MED16: variants seen among roughly 807,000 people sequenced by gnomAD.
MED16 encodes mediator of RNA polymerase II transcription subunit 16.
In MED16, 81 loss-of-function variants were observed where a neutral mutation model predicts 84.4. The observed-to-expected ratio is 0.96, with a 90% CI of 0.80 to 1.15. MED16 has a LOEUF of 1.15. MED16 is among the 50% of genes most tolerant of loss of function. The pLI, the probability that MED16 is intolerant of heterozygous loss-of-function variation, is 0.00. For missense variants in MED16, 1,585 were observed against 1,245.9 expected (o/e 1.27, Z -4.10); for synonymous variants, 897 against 552.2 (o/e 1.62, Z -8.76).
At chr19:890,730 G>A (rs1371835962) in intron 2 of MED16, among the ~76,000 whole-genome samples, 2 of 152,178 alleles carry the variant, frequency 1.3e-5, no homozygotes, top group African/African-American at 2.4e-5. Context: ...AGCCCGATTC[G>A]ATCCCGCACA....
Position 871,176 on chromosome 19 carries a change from T to TAAGCAGC in MED16, c.2169_2175dup (p.Ile726AlafsTer17). The stretch of plus-strand genomic sequence containing the variant: ...GCTGGCAGCCAGTCCAGGCTGGGGA[T>TAAGCAGC]AAGCAGCTGGCTGGGCAGCAGGCAG... On this transcript the variant is annotated frameshift_variant, in exon 13 of 16. Transcript: ENST00000325464. LOFTEE classifies it high-confidence loss of function. 2 of 1,549,474 alleles carry TAAGCAGC rather than the reference T, an allele frequency of 1.3e-6. No individual in the cohort carries two copies. The highest frequency in any genetic ancestry group is 2.7e-5 in the African/African-American group (2 of 73,284).
At chr19:879,299 T>C (rs1165494805) in intron 8 of MED16, among the ~76,000 whole-genome samples, 2 of 127,240 alleles carry the variant, frequency 1.6e-5, no homozygotes, top group Admixed American at 8.7e-5. Context: ...CTTCCCATGG[T>C]TGTCAATGCC....
intron 13 of MED16, among the ~76,000 whole-genome samples, chr19:870,203 C>T (rs1460365049): frequency 7.2e-5 from 11 of 152,136 alleles, no homozygotes; most frequent in Non-Finnish European, 1.5e-4. Context: ...CCAGGGGGGC[C>T]AGAGACTAAG....
At position 885,967 on chromosome 19, in the gene MED16, C is replaced by A; in HGVS notation, c.682G>T (p.Val228Leu). 1 of 1,612,118 alleles carries A rather than the reference C, an allele frequency of 6.2e-7. No individual in the cohort carries two copies. Among genetic ancestry groups the A allele is most frequent in the South Asian group, 1.1e-5 (1 of 91,054 alleles). Residue 228 changes from valine (V) to leucine (L), a missense_variant, in exon 5 of 16, where the codon GTG becomes TTG. By Grantham distance (32) the Val-to-Leu change is conservative. Transcript: ENST00000325464. ...GCGCTGCTGCCGTCCGCCGTGGCCACCACGATGTTGCCGCCGCCGGTGAAG... is the reference window on the plus strand; with the variant it reads ...GCGCTGCTGCCGTCCGCCGTGGCCAACACGATGTTGCCGCCGCCGGTGAAG... ...IAFTGGGNIV[V>L]ATADGSSASP...
chr19:890,857 G>A, intron 2 of MED16, 106 bp downstream of exon 2: 3 of 1,237,290 alleles, frequency 2.4e-6, no homozygotes, highest in Non-Finnish European at 3.3e-6. Context: ...GTGAGTGAGA[G>A]GTGGCCTGAG....
Position 891,112 on chromosome 19 carries a change from G to A in MED16, c.20C>T (p.Pro7Leu), listed in dbSNP as rs200573504. Reference sequence around the variant, plus strand: ...CAAGTCCATCATCCCACCTGCCGCTGGCCGCCGCAAATCACACATGAGGGC... The same window carrying A: ...CAAGTCCATCATCCCACCTGCCGCTAGCCGCCGCAAATCACACATGAGGGC... Reference protein sequence around the residue: MCDLRRPAAGGMMDLAY... With the variant: MCDLRRLAAGGMMDLAY... The change falls in exon 2 of 16, where the codon CCA (proline) becomes CTA (leucine). Residue 7 changes from proline (P) to leucine (L), a missense_variant. Pro to Leu is a moderately conservative substitution (Grantham distance 98, BLOSUM62 -3). Coordinates refer to ENST00000325464, the MANE Select transcript of MED16 (RefSeq NM_005481.3). The A allele has an allele frequency of 5.0e-6, 8 of 1,613,578 alleles. No homozygotes were observed. The East Asian group carries it at 6.7e-5, about 13-fold the overall frequency.
intron 14 of MED16, among the ~76,000 whole-genome samples, 171 bp downstream of exon 14, chr19:868,692 G>A (rs1002570205): frequency 1.1e-4 from 16 of 152,128 alleles, no homozygotes; most frequent in South Asian, 8.3e-4. Context: ...AACTAGCCCC[G>A]CCACACCAAG....
intron 14 of MED16, 70 bp from the exon 15 acceptor site, chr19:868,569 G>A: frequency 1.3e-6 from 2 of 1,575,954 alleles, no homozygotes; most frequent in South Asian, 1.1e-5. Flanking sequence ...CCCCACTTTT[G>A]CTTCCAGGCA....
intron 15 of MED16, 39 bp from the exon 16 acceptor site, chr19:868,290 C>G: frequency 6.3e-7 from 1 of 1,587,634 alleles, no homozygotes; most frequent in South Asian, 1.1e-5. Context: ...CGAGGAGAGT[C>G]CAGGGCGAGC....
intron 15 of MED16, 50 bp downstream of exon 15, chr19:868,366 G>C: frequency 6.2e-7 from 1 of 1,601,204 alleles, no homozygotes; most frequent in Non-Finnish European, 8.5e-7. Context: ...CTGAGGGGCA[G>C]CTGGGCTCAG....
At chr19:879,448 G>A (rs1235652486) in intron 8 of MED16, among the ~76,000 whole-genome samples, 53 of 104,750 alleles carry the variant, frequency 5.1e-4, no homozygotes, top group African/African-American at 1.1e-3. Context: ...ACGTGCCCCA[G>A]CAGCTCGCCT....
At chr19:871,585 GGA>G (rs753109618) in intron 12 of MED16, 5 of 1,595,622 alleles carry the variant, frequency 3.1e-6, no homozygotes, top group African/African-American at 2.7e-5. Flanking sequence ...AACCCGACAA[GGA>G]GAGACAGCAA....
chr19:870,647 C>T (rs1895951819), intron 13 of MED16, among the ~76,000 whole-genome samples: 1 of 151,140 alleles, frequency 6.6e-6, no homozygotes, highest in Non-Finnish European at 1.5e-5. Flanking sequence ...CAGCAGAAGA[C>T]ACCACTAGGG....
In MED16 at chr19:868,115, C is replaced by G. The variant is rs13090; in HGVS notation, c.2620G>C (p.Glu874Gln). 1.9e-6 allele frequency: 3 copies of G among 1,609,338 alleles called. No homozygotes were observed. The highest frequency in any genetic ancestry group is 1.7e-6 in the Non-Finnish European group (2 of 1,178,744). The part of the protein sequence containing the change: ...TPRSLDHLHP[E>Q]DRP ...ACCCCCGGCCGTCACGGACGGTCCT[C>G]TGGATGCAGATGGTCCAGGGATCTG... is the stretch of plus-strand genomic sequence containing the variant. The change falls in exon 16 of 16, where the codon GAG becomes CAG. Residue 874 changes from glutamate (E) to glutamine (Q), a missense_variant. By Grantham distance (29) the Glu-to-Gln change is conservative. Transcript: ENST00000325464.
At position 875,329 on chromosome 19, in the gene MED16, C is replaced by T. The variant is rs558803866; in HGVS notation, c.1686G>A (p.Ser562=). ...TGTTGAGAAAGTGGGGGCGCAGCAG[C>T]GACTTCAGGGTGGAGCTGATGGCGA... is the stretch of plus-strand genomic sequence containing the variant. ...FLIAISSTLK[S]LLRPHFLNTP... Residue 562 remains serine (S), a synonymous_variant, in exon 10 of 16, where the codon TCG becomes TCA. Coordinates refer to ENST00000325464, the MANE Select transcript of MED16 (RefSeq NM_005481.3). 97 of 1,610,412 alleles carry T rather than the reference C, an allele frequency of 6.0e-5. No homozygotes were observed. The highest frequency in any genetic ancestry group is 3.3e-4 in the Middle Eastern group (2 of 6,052).
chr19:880,991 G>A (rs368832060), intron 7 of MED16, among the ~76,000 whole-genome samples: 3 of 152,150 alleles, frequency 2.0e-5, no homozygotes, highest in Non-Finnish European at 4.4e-5. Flanking sequence ...TTTGGAGCAG[G>A]GAACTGCATC....
Position 883,890 on chromosome 19 carries a change from G to A in MED16, c.985+1013C>T, listed in dbSNP as rs1023864636. Among the ~76,000 whole-genome samples, 6 of 152,304 alleles carry A rather than the reference G, an allele frequency of 3.9e-5. No homozygotes were observed. The East Asian group carries it at 7.7e-4, about 20-fold the overall frequency. ...CCCTGGGGACCGGGCGAAGGAACGA[G>A]CCCTGGGAGAAGGAATGGCAGCAGC... On this transcript the variant is annotated intron_variant, in intron 6 of 15. Coordinates refer to ENST00000325464, the MANE Select transcript of MED16 (RefSeq NM_005481.3).
In MED16 at chr19:880,112, AT is replaced by A. The variant is rs1312690133; in HGVS notation, c.1177del (p.Ile393SerfsTer27). ...ALAFHDGSVH[I>X]VHRLSLQTMA... ...GGTCTGCAGTGAGAGCCGGTGCACGATGTGGACGCTGCCGTCGTGGAAGGCC... is the reference window on the plus strand; with the variant it reads ...GGTCTGCAGTGAGAGCCGGTGCACGAGTGGACGCTGCCGTCGTGGAAGGCC... On this transcript the variant is annotated frameshift_variant, in exon 8 of 16. Transcript: ENST00000325464. LOFTEE classifies it high-confidence loss of function. The A allele has an allele frequency of 2.5e-6, 4 of 1,610,208 alleles. No homozygotes were observed. The highest frequency in any genetic ancestry group is 1.3e-5 in the African/African-American group (1 of 74,856).
chr19:872,887 G>A (rs893708587), intron 11 of MED16: 52 of 898,362 alleles, frequency 5.8e-5, no homozygotes, highest in Middle Eastern at 1.1e-3. Flanking sequence ...GGGCAGGAAG[G>A]GTGTGGCCAA....
Sources: allele counts gnomAD v4.1 joint callset (sites outside exome capture counted in the v4.1 genomes callset), GRCh38; gene constraint gnomAD v4.1.1; transcripts MANE v1.5; gene names NCBI Gene and HGNC (gene_info 2026-07-23, HGNC 2026-07-21).